The following BNC2 variants were observed in gnomAD, a reference collection of about 807,000 sequenced individuals.
The protein encoded by BNC2 is basonuclin zinc finger protein 2.
In BNC2, 20 loss-of-function variants were observed where a neutral mutation model predicts 76.3. That is an observed-to-expected ratio of 0.26 (90% CI 0.18 to 0.38). BNC2 has a LOEUF of 0.38. Ranked by LOEUF, BNC2 falls within the 10% of genes least tolerant of loss-of-function variation. The pLI is 1.00. For synonymous variants in BNC2, 582 were observed against 514.8 expected (o/e 1.13, Z -1.77); for missense variants, 1,382 against 1,399.8 (o/e 0.99, Z 0.20).
chr9:16,497,749 C>T (rs1335607582), intron 5 of BNC2, among the ~76,000 whole-genome samples: 2 of 152,006 alleles, frequency 1.3e-5, no homozygotes, highest in East Asian at 3.9e-4. Flanking sequence ...AAAGGTTGGG[C>T]TAAAAACATC....
chr9:16,557,604 C>G lies in BNC2; in HGVS notation c.434-4839G>C, dbSNP rs1040770058. Among the ~76,000 whole-genome samples the G allele has an allele frequency of 3.9e-5, 6 of 151,900 alleles. No homozygotes were observed. The South Asian group carries it at 1.2e-3, about 32-fold the overall frequency. ...CTGTTCTAGGTGAAGCTGGAGTAAT[C>G]ATGGGTCAGAGAACATCCAATCAGG... On this transcript the variant is annotated intron_variant, in intron 4 of 6. Coordinates refer to ENST00000380672, the MANE Select transcript of BNC2 (RefSeq NM_017637.6).
intron 5 of BNC2, among the ~76,000 whole-genome samples, chr9:16,446,396 A>G (rs1821232589): frequency 6.6e-6 from 1 of 152,136 alleles, no homozygotes; most frequent in Admixed American, 6.6e-5. Flanking sequence ...AAGAAGCAAC[A>G]TGATAATTTT....
At chr9:16,835,736 T>C (rs1046295744) in intron 1 of BNC2, among the ~76,000 whole-genome samples, 40 of 152,296 alleles carry the variant, frequency 2.6e-4, no homozygotes, top group African/African-American at 6.7e-4. Context: ...TTAATATCTA[T>C]CTAGCAGAAA....
chr9:16,717,481 G>A (rs4256673), intron 3 of BNC2, among the ~76,000 whole-genome samples: 1 of 152,116 alleles, frequency 6.6e-6, no homozygotes. Flanking sequence ...CTTAGAAAGA[G>A]AATTTTATGA....
At chr9:16,624,535 G>C (rs1426894502) in intron 3 of BNC2, among the ~76,000 whole-genome samples, 2 of 152,162 alleles carry the variant, frequency 1.3e-5, no homozygotes, top group African/African-American at 2.4e-5. Flanking sequence ...TGAGTCGTCT[G>C]CTGCATTCCG....
chr9:16,599,781 T>C (rs1226388487), intron 3 of BNC2, among the ~76,000 whole-genome samples: 1 of 152,130 alleles, frequency 6.6e-6, no homozygotes, highest in Admixed American at 6.5e-5. Context: ...AGTCTCCATG[T>C]CAAAAAAAAG....
In BNC2 at chr9:16,523,199, C is replaced by T. The variant is rs570760262; in HGVS notation, c.669+29331G>A. On this transcript the variant is annotated intron_variant, in intron 5 of 6. Transcript: ENST00000380672. ...TTAAAATAAAACAACTGGCCGGACG[C>T]GGTGGCTCACACCTGTAATCCCAGC... Among the ~76,000 whole-genome samples the T allele has an allele frequency of 4.6e-5, 7 of 152,248 alleles. No homozygotes were observed. In the South Asian group the frequency reaches 1.5e-3, roughly 32 times the overall value.
chr9:16,569,525 A>G (rs552147093), intron 4 of BNC2, among the ~76,000 whole-genome samples: 1 of 152,290 alleles, frequency 6.6e-6, no homozygotes, highest in South Asian at 2.1e-4. Context: ...CTTACGCATA[A>G]TAAAGTCCTC....
intron 4 of BNC2, among the ~76,000 whole-genome samples, chr9:16,572,395 TA>T (rs1819351058): frequency 6.6e-6 from 1 of 152,104 alleles, no homozygotes; most frequent in Admixed American, 6.6e-5. Context: ...GCTTATACCT[TA>T]AAATGGGAAG....
chr9:16,458,455 G>C (rs1587051398), intron 5 of BNC2, among the ~76,000 whole-genome samples: 1 of 152,112 alleles, frequency 6.6e-6, no homozygotes, highest in Non-Finnish European at 1.5e-5. Context: ...TTCAAATAGG[G>C]TAGAAAATCT....
chr9:16,838,430 G>A (rs890728274), intron 1 of BNC2, among the ~76,000 whole-genome samples: 2 of 152,044 alleles, frequency 1.3e-5, no homozygotes, highest in Non-Finnish European at 1.5e-5. Context: ...GTGTGGTGGC[G>A]CATGCCTATA....
chr9:16,564,529 A>G (rs1184567779), intron 4 of BNC2, among the ~76,000 whole-genome samples: 1 of 152,104 alleles, frequency 6.6e-6, no homozygotes, highest in Non-Finnish European at 1.5e-5. Context: ...ACCTGTGATC[A>G]TTTGCCCCTA....
intron 3 of BNC2, among the ~76,000 whole-genome samples, chr9:16,603,014 G>A (rs556777619): frequency 3.4e-4 from 51 of 152,232 alleles, no homozygotes; most frequent in African/African-American, 4.1e-4. Context: ...GGGAATTTCC[G>A]AAAACAAGAA....
At chr9:16,505,013 G>A (rs984480071) in intron 5 of BNC2, among the ~76,000 whole-genome samples, 1 of 152,242 alleles carries the variant, frequency 6.6e-6, no homozygotes, top group Non-Finnish European at 1.5e-5. Flanking sequence ...GTCCAGGTTT[G>A]AAACACAACT....
At position 16,419,489 on chromosome 9, in the gene BNC2, C is replaced by G; in HGVS notation, c.2800G>C (p.Asp934His). The change falls in exon 7 of 7, where the codon GAC becomes CAC. Residue 934 changes from aspartate (D) to histidine (H), a missense_variant. Around this residue, in one of 3 missense-constraint regions of BNC2, gnomAD observed 798 missense variants for 775.5 expected, o/e 1.03. Coordinates refer to ENST00000380672, the MANE Select transcript of BNC2 (RefSeq NM_017637.6). ...TCAGTCCCTGCGGGAGAGGAGGCGTCTTCCCTGACATCGAGCCCCATGGGG... is the reference window on the plus strand; with the variant it reads ...TCAGTCCCTGCGGGAGAGGAGGCGTGTTCCCTGACATCGAGCCCCATGGGG... ...QHPMGLDVREDASSPAGTEDS... is the reference protein window; with the variant it reads ...QHPMGLDVREHASSPAGTEDS... 6.2e-7 allele frequency: 1 copy of G among 1,614,146 alleles called. No individual in the cohort carries two copies. The highest frequency in any genetic ancestry group is 1.1e-5 in the South Asian group (1 of 91,078).
At chr9:16,781,340 T>A (rs887182846) in intron 1 of BNC2, among the ~76,000 whole-genome samples, 1 of 152,024 alleles carries the variant, frequency 6.6e-6, no homozygotes, top group Non-Finnish European at 1.5e-5. Flanking sequence ...ACTTTATTAT[T>A]ATTATTATGT....
chr9:16,665,384 A>G (rs201608263), intron 3 of BNC2, among the ~76,000 whole-genome samples: 1,742 of 14,816 alleles, frequency 0.12, 101 homozygotes, highest in African/African-American at 0.23. Context: ...AAAAAAAAAA[A>G]AAAGAGAGAG....
At chr9:16,527,018 T>G (rs1053003518) in intron 5 of BNC2, among the ~76,000 whole-genome samples, 2 of 152,096 alleles carry the variant, frequency 1.3e-5, no homozygotes, top group African/African-American at 4.8e-5. Context: ...TAAATGCAGG[T>G]AGGAATTAAT....
At chr9:16,433,587 T>C (rs567135472) in intron 6 of BNC2, among the ~76,000 whole-genome samples, 1 of 152,330 alleles carries the variant, frequency 6.6e-6, no homozygotes, top group East Asian at 1.9e-4. Flanking sequence ...AATAAATGTT[T>C]TTCCTCAGAT....
Sources: allele counts gnomAD v4.1 joint callset (sites outside exome capture counted in the v4.1 genomes callset), GRCh38; gene constraint gnomAD v4.1.1; regional missense constraint gnomAD v4.1.1; transcripts MANE v1.5; gene names NCBI Gene and HGNC (gene_info 2026-07-23, HGNC 2026-07-21).